The following MGAT5B variants were observed in gnomAD, a reference collection of about 807,000 sequenced individuals.
MGAT5B encodes N-acetylglucosaminyl-transferase Vb.
Under a neutral mutation model 95.1 loss-of-function variants are expected in MGAT5B, and 54 were observed. The ratio of observed to expected loss-of-function variants is 0.57; its 90% CI spans 0.46 to 0.71. MGAT5B has a LOEUF of 0.71. MGAT5B is among the 30% of genes least tolerant of loss of function. MGAT5B has a pLI of 0.00. For synonymous variants in MGAT5B, 464 were observed against 451.0 expected, an observed-to-expected ratio of 1.03 and a Z score of -0.36; for missense variants, 935 against 1,088.6, an observed-to-expected ratio of 0.86 and a Z score of 1.99.
In MGAT5B at chr17:76,914,931, C is replaced by G. The variant is rs1181374392; in HGVS notation, c.1025+8744C>G. Among the ~76,000 whole-genome samples, 1 of 152,204 alleles carries G rather than the reference C, an allele frequency of 6.6e-6. No individual in the cohort carries two copies. Among genetic ancestry groups the G allele is most frequent in the Non-Finnish European group, 1.5e-5 (1 of 68,042 alleles). On this transcript the variant is annotated intron_variant, in intron 8 of 17. Transcript: ENST00000569840. The surrounding 1 kb of genome is among the most constrained non-coding windows in gnomAD (Gnocchi z 5.1). ...GGGATTACAGGCGTGAGCCACTGCCCCCGGCCACGTTTCTTCTTTTTATAA... is the reference window on the plus strand; with the variant it reads ...GGGATTACAGGCGTGAGCCACTGCCGCCGGCCACGTTTCTTCTTTTTATAA...
intron 15 of MGAT5B, among the ~76,000 whole-genome samples, chr17:76,943,592 T>C (rs185401363): frequency 0.011 from 1,518 of 143,298 alleles, 20 homozygotes; most frequent in African/African-American, 0.037. Context: ...AAATTTTCTT[T>C]TTATATTATT....
At chr17:76,902,146 G>A (rs10852778) in intron 3 of MGAT5B, among the ~76,000 whole-genome samples, 27,342 of 152,092 alleles carry the variant, frequency 0.18, 2,828 homozygotes, top group East Asian at 0.52. Flanking sequence ...GTGGGCACCT[G>A]TACAGTTGTG....
At chr17:76,902,226 T>G (rs1391356709) in intron 3 of MGAT5B, among the ~76,000 whole-genome samples, 5 of 152,050 alleles carry the variant, frequency 3.3e-5, no homozygotes, top group Non-Finnish European at 7.4e-5. Context: ...ACATGAGGCC[T>G]GGGGCCGAGG....
chr17:76,934,747 C>T lies in MGAT5B; in HGVS notation c.1428+1450C>T, dbSNP rs577937009. ...TAGCGCTGGAACTTCTGTGATAGCC[C>T]GAGGCAATCCTGTTCAGCTAGAGAC... On this transcript the variant is annotated intron_variant, in intron 12 of 17. Coordinates refer to ENST00000569840, the MANE Select transcript of MGAT5B (RefSeq NM_001199172.2). 5.3e-5 allele frequency among the ~76,000 whole-genome samples: 8 copies of T among 152,222 alleles called. No individual in the cohort carries two copies. In the East Asian group the frequency reaches 7.7e-4, roughly 15 times the overall value.
At position 76,902,630 on chromosome 17, in the gene MGAT5B, G is replaced by A. The variant is rs1157930447; in HGVS notation, c.405G>A (p.Val135=). 2 of 1,602,408 alleles carry A rather than the reference G, an allele frequency of 1.2e-6. No individual in the cohort carries two copies. The highest frequency in any genetic ancestry group is 1.7e-6 in the Non-Finnish European group (2 of 1,174,336). The change falls in exon 4 of 18, where the codon GTG becomes GTA. Residue 135 remains valine, a synonymous_variant. Transcript: ENST00000569840. The part of the protein sequence containing the change: ...AQNVSDIAVK[V]DQILRHSLLL... The stretch of plus-strand genomic sequence containing the variant: ...ACGTCTCCGACATCGCTGTGAAGGT[G>A]GACCAGATCCTGCGCCACAGTCTGC...
At chr17:76,937,955 T>C (rs1969730441) in intron 12 of MGAT5B, 33 bp from the exon 13 acceptor site, 1 of 1,607,844 alleles carries the variant, frequency 6.2e-7, no homozygotes, top group Non-Finnish European at 8.5e-7. Flanking sequence ...GTGGTTTGCA[T>C]GTGGTTCCCA....
intron 3 of MGAT5B, among the ~76,000 whole-genome samples, chr17:76,887,172 A>G (rs1440292912): frequency 6.6e-6 from 1 of 152,154 alleles, no homozygotes; most frequent in East Asian, 1.9e-4. Context: ...TGTCCTGGGA[A>G]CACTCAGACG....
chr17:76,892,102 A>G (rs572410599), intron 3 of MGAT5B, among the ~76,000 whole-genome samples: 14 of 152,266 alleles, frequency 9.2e-5, no homozygotes, highest in African/African-American at 3.4e-4. Flanking sequence ...CCTGGAGTGC[A>G]GTGGCTCGAT....
rs143735273 is a variant in MGAT5B at position 76,889,794 on chromosome 17, G to A, written c.329+7496G>A. On this transcript the variant is annotated intron_variant, in intron 3 of 17. Transcript: ENST00000569840. This position sits in a 1 kb window ranked among gnomAD's most constrained non-coding sequence, Gnocchi z 4.4. ...ACTGTTGTCACAGCCCCACGGTGCC[G>A]AGAGCCGGACCAACCACATGACAGC... is the stretch of plus-strand genomic sequence containing the variant. 2.2e-3 allele frequency among the ~76,000 whole-genome samples: 340 copies of A among 152,238 alleles called. 5 individuals carry two copies. The highest frequency in any genetic ancestry group is 7.7e-3 in the African/African-American group (321 of 41,544).
rs1482115229 is a variant in MGAT5B at position 76,869,639 on chromosome 17, G to A, written c.68+542G>A. ...GCTCGGGCCTGGCTCCGACGAGAGG[G>A]TCCCGAGATTAGAGCGAGGACTCGC... is the stretch of plus-strand genomic sequence containing the variant. On this transcript the variant is annotated intron_variant, in intron 1 of 17. Transcript: ENST00000569840. This position sits in a 1 kb window ranked among gnomAD's most constrained non-coding sequence, Gnocchi z 7.0. Among the ~76,000 whole-genome samples, 1 of 152,222 alleles carries A rather than the reference G, an allele frequency of 6.6e-6. No individual in the cohort carries two copies. The highest frequency in any genetic ancestry group is 1.9e-4 in the East Asian group (1 of 5,192).
At chr17:76,883,918 TG>T (rs1295128081) in intron 3 of MGAT5B, among the ~76,000 whole-genome samples, 2 of 152,190 alleles carry the variant, frequency 1.3e-5, no homozygotes, top group Non-Finnish European at 1.5e-5. Context: ...AGTGCGCCCA[TG>T]TGGACTGGTG....
intron 3 of MGAT5B, among the ~76,000 whole-genome samples, chr17:76,893,985 T>C (rs1175216112): frequency 6.6e-6 from 1 of 152,182 alleles, no homozygotes; most frequent in Non-Finnish European, 1.5e-5. Flanking sequence ...GGAAAATGGA[T>C]TTTCTTCCAG....
intron 10 of MGAT5B, among the ~76,000 whole-genome samples, chr17:76,927,663 C>T (rs543828487): frequency 9.8e-5 from 15 of 152,376 alleles, no homozygotes; most frequent in Non-Finnish European, 1.9e-4. Flanking sequence ...GCCTCCCGGG[C>T]GCATGGGCCT....
At chr17:76,896,277 G>A (rs1968062302) in intron 3 of MGAT5B, among the ~76,000 whole-genome samples, 1 of 152,232 alleles carries the variant, frequency 6.6e-6, no homozygotes, top group Non-Finnish European at 1.5e-5. Flanking sequence ...AAAGGGCTGT[G>A]CAAATGGTAA....
At chr17:76,947,701 G>A in intron 16 of MGAT5B, 129 bp from the exon 17 acceptor site, 1 of 1,363,662 alleles carries the variant, frequency 7.3e-7, no homozygotes, top group South Asian at 2.0e-5. Context: ...TGCAGGTAAA[G>A]CTACCTGGTA....
intron 8 of MGAT5B, among the ~76,000 whole-genome samples, chr17:76,910,427 C>T (rs550305267): frequency 4.1e-4 from 63 of 152,368 alleles, no homozygotes; most frequent in South Asian, 8.3e-4. Flanking sequence ...CATGCATACA[C>T]GTGCATATCC....
At chr17:76,903,263 C>T (rs1186100345) in intron 4 of MGAT5B, 40 bp from the exon 5 acceptor site, 4 of 1,562,580 alleles carry the variant, frequency 2.6e-6, no homozygotes, top group Non-Finnish European at 3.5e-6. Context: ...TGGGCTCCTC[C>T]TTGGACCAGG....
intron 3 of MGAT5B, among the ~76,000 whole-genome samples, chr17:76,895,090 AC>A (rs1968019345): frequency 6.6e-6 from 1 of 152,102 alleles, no homozygotes; most frequent in Non-Finnish European, 1.5e-5. Context: ...CGCTCGCGTT[AC>A]CACTTGAGCT....
Position 76,941,898 on chromosome 17 carries a change from C to T in MGAT5B, c.1848+1050C>T, listed in dbSNP as rs545249064. ...GGTCACATCCCAGAGCTGTCCTGCC[C>T]GAGGAGAAAGAGGCTAGGGTAGGTA... On this transcript the variant is annotated intron_variant, in intron 15 of 17. Coordinates refer to ENST00000569840, the MANE Select transcript of MGAT5B (RefSeq NM_001199172.2). Among the ~76,000 whole-genome samples, 133 of 152,300 alleles carry T rather than the reference C, an allele frequency of 8.7e-4. 1 individual carries two copies. Among genetic ancestry groups the T allele is most frequent in the African/African-American group, 3.1e-3 (128 of 41,566 alleles).
Sources: gnomAD v4.1 joint callset for allele counts (sites outside exome capture counted in the v4.1 genomes callset) on GRCh38, gnomAD v4.1.1 for gene constraint, Gnocchi (gnomAD v3.1) non-coding constraint, MANE v1.5 for transcripts, NCBI Gene and HGNC (gene_info 2026-07-23, HGNC 2026-07-21) for gene names.